The following UBE2H variants were observed in gnomAD, a reference collection of about 807,000 sequenced individuals.
UBE2H encodes the protein ubiquitin-conjugating enzyme E2 H.
Under a neutral mutation model 29.0 loss-of-function variants are expected in UBE2H, and 3 were observed. The ratio of observed to expected loss-of-function variants is 0.10; its 90% confidence interval spans 0.05 to 0.27. The LOEUF is 0.27. Among genes scored for constraint, UBE2H ranks in the 10% least tolerant of loss-of-function variants. The pLI, the probability that UBE2H is intolerant of heterozygous loss-of-function variation, is 1.00. For synonymous variants in UBE2H, 69 were observed against 82.9 expected, an observed-to-expected ratio of 0.83 and a Z score of 0.91; for missense variants, 68 against 228.2, an observed-to-expected ratio of 0.30 and a Z score of 4.52.
intron 3 of UBE2H, among the ~76,000 whole-genome samples, chr7:129,862,202 T>A (rs190382199): frequency 6.6e-6 from 1 of 152,254 alleles, no homozygotes; most frequent in African/African-American, 2.4e-5. Context: ...AAGAGAATGG[T>A]CCTACTATAT....
chr7:129,835,017 C>T lies in UBE2H; in HGVS notation c.472G>A (p.Glu158Lys), dbSNP rs1264361258. The change falls in exon 7 of 7, where the codon GAA becomes AAA. Residue 158 changes from glutamate to lysine, a missense_variant. By Grantham distance (56) the Glu-to-Lys change is moderately conservative. This residue lies in a region of UBE2H where 25 missense variants were observed against 32.4 expected (regional missense o/e 0.77). Coordinates refer to ENST00000355621, the MANE Select transcript of UBE2H (RefSeq NM_003344.4). Reference protein sequence around the residue: ...YATEEALKEQEEGTGDSSSES... With the variant: ...YATEEALKEQKEGTGDSSSES... ...GATGAGCTGTCCCCGGTACCCTCTTCCTGTTCTTTCAGCGCCTCCTCCGTG... is the reference window on the plus strand; with the variant it reads ...GATGAGCTGTCCCCGGTACCCTCTTTCTGTTCTTTCAGCGCCTCCTCCGTG... The T allele has an allele frequency of 6.2e-7, 1 of 1,614,150 alleles. No homozygotes were observed. The highest frequency in any genetic ancestry group is 1.7e-5 in the Admixed American group (1 of 60,022).
intron 1 of UBE2H, among the ~76,000 whole-genome samples, chr7:129,902,041 T>C (rs1408097300): frequency 2.0e-5 from 3 of 152,216 alleles, no homozygotes; most frequent in African/African-American, 2.4e-5. Context: ...TTAAGTGTTA[T>C]TAACCCGTTT....
At chr7:129,879,727 ATCT>A in intron 2 of UBE2H, 85 bp from the exon 3 acceptor site, 1 of 1,266,020 alleles carries the variant, frequency 7.9e-7, no homozygotes. Flanking sequence ...TTATCCCCTA[ATCT>A]TCTGAAAACC....
intron 1 of UBE2H, among the ~76,000 whole-genome samples, chr7:129,898,147 G>A (rs1806636792): frequency 6.6e-6 from 1 of 152,180 alleles, no homozygotes; most frequent in South Asian, 2.1e-4. Flanking sequence ...ACCCTGGAAA[G>A]TCAAGGGAGG....
chr7:129,936,425 T>A lies in UBE2H; in HGVS notation c.53+16078A>T, dbSNP rs182083768. Among the ~76,000 whole-genome samples, 921 of 151,758 alleles carry A rather than the reference T, an allele frequency of 6.1e-3. 3 individuals are homozygous for A. The highest frequency in any genetic ancestry group is 0.011 in the Non-Finnish European group (723 of 67,948). ...CTGGCTAACATGGTGAAACTCCGTC[T>A]CTACTAAAAATACAAAAAATTAGCC... On this transcript the variant is annotated intron_variant, in intron 1 of 6. Coordinates refer to ENST00000355621, the MANE Select transcript of UBE2H (RefSeq NM_003344.4).
chr7:129,952,762 G>C lies in UBE2H; in HGVS notation c.-207C>G, dbSNP rs1807910422. The C allele has an allele frequency of 7.6e-6, 3 of 392,736 alleles. No individual in the cohort carries two copies. The highest frequency in any genetic ancestry group is 4.3e-6 in the Non-Finnish European group (1 of 234,864). The allele number at this position is 392,736 out of a possible 1,614,324, so 24.3% of individuals were successfully genotyped here. A position where few individuals can be genotyped will look rare whatever the true frequency, so the allele number is the denominator to read the frequency against. ...CGGGTGGGGGTGGGGACCCTGCGGC[G>C]CCCGGCTCGGGCTGCCCCTCTCCGG... On this transcript the variant is annotated 5_prime_UTR_variant, in exon 1 of 7. Transcript: ENST00000355621.
chr7:129,858,266 G>A (rs1042885890), intron 4 of UBE2H, among the ~76,000 whole-genome samples: 3 of 152,064 alleles, frequency 2.0e-5, no homozygotes, highest in African/African-American at 7.2e-5. Context: ...AATATTAAAG[G>A]ACTAAGGGGC....
chr7:129,931,431 A>C (rs1471127002), intron 1 of UBE2H, among the ~76,000 whole-genome samples: 6 of 152,076 alleles, frequency 3.9e-5, no homozygotes, highest in Non-Finnish European at 7.4e-5. Flanking sequence ...GAGCTTTTCT[A>C]TGTGTGTTAT....
chr7:129,934,698 G>A (rs1226686991), intron 1 of UBE2H, among the ~76,000 whole-genome samples: 1 of 145,986 alleles, frequency 6.8e-6, no homozygotes, highest in African/African-American at 2.5e-5. Context: ...AAATCATCAA[G>A]GTTTTCTCAT....
At chr7:129,878,682 CAAAAAAA>C (rs772936668) in intron 3 of UBE2H, among the ~76,000 whole-genome samples, 13 of 75,068 alleles carry the variant, frequency 1.7e-4, no homozygotes, top group Non-Finnish European at 2.8e-4. Flanking sequence ...GACTCCGTCT[CAAAAAAA>C]AAAAAAAAAA....
chr7:129,896,985 G>A (rs1192930352), intron 1 of UBE2H, among the ~76,000 whole-genome samples: 1 of 152,162 alleles, frequency 6.6e-6, no homozygotes, highest in African/African-American at 2.4e-5. Context: ...AGATAAAGAT[G>A]ATCAAAGTGT....
At chr7:129,889,781 C>T (rs755228548) in intron 1 of UBE2H, among the ~76,000 whole-genome samples, 1 of 151,936 alleles carries the variant, frequency 6.6e-6, no homozygotes. Flanking sequence ...GCCAGGAGTC[C>T]GAGACCAGCC....
chr7:129,885,751 C>T (rs1458644209), intron 1 of UBE2H, among the ~76,000 whole-genome samples: 2 of 152,204 alleles, frequency 1.3e-5, no homozygotes, highest in African/African-American at 4.8e-5. Context: ...TAACTTTATG[C>T]TGCCTTGGAA....
At chr7:129,899,973 T>C (rs757533364) in intron 1 of UBE2H, among the ~76,000 whole-genome samples, 13 of 151,700 alleles carry the variant, frequency 8.6e-5, no homozygotes, top group Non-Finnish European at 1.8e-4. Context: ...CTACTAAAAA[T>C]ACAAAAACTA....
chr7:129,856,188 G>A (rs955472478), intron 5 of UBE2H, among the ~76,000 whole-genome samples: 1 of 152,156 alleles, frequency 6.6e-6, no homozygotes, highest in African/African-American at 2.4e-5. Flanking sequence ...AAGGATATCT[G>A]GCAAAAGTAA....
intron 1 of UBE2H, among the ~76,000 whole-genome samples, chr7:129,887,266 G>T (rs1806382902): frequency 6.8e-6 from 1 of 146,008 alleles, no homozygotes; most frequent in Admixed American, 7.1e-5. Flanking sequence ...CTGCCACCCA[G>T]GCTGGAGTGC....
intron 1 of UBE2H, among the ~76,000 whole-genome samples, chr7:129,896,163 C>T (rs568816214): frequency 2.0e-5 from 3 of 151,842 alleles, no homozygotes; most frequent in South Asian, 4.2e-4. Context: ...GGCGAAACCC[C>T]GTCTCTACTA....
intron 6 of UBE2H, among the ~76,000 whole-genome samples, chr7:129,837,595 G>A (rs1164444686): frequency 1.4e-5 from 2 of 147,068 alleles, no homozygotes; most frequent in African/African-American, 5.1e-5. Context: ...GGGTGGAGGA[G>A]GAAGACTGCA....
chr7:129,952,955 C>G lies in UBE2H; in HGVS notation c.-400G>C, dbSNP rs1807917196. ...TCAGTCGGCCTCCCTACCCCAGCCT[C>G]GCTCTGGGCGCCGTGACGTCACCTC... On this transcript the variant is annotated 5_prime_UTR_variant, in exon 1 of 7. Coordinates refer to ENST00000355621, the MANE Select transcript of UBE2H (RefSeq NM_003344.4). 1 of 155,868 alleles carries G rather than the reference C, an allele frequency of 6.4e-6. No individual in the cohort carries two copies. Among genetic ancestry groups the G allele is most frequent in the African/African-American group, 2.4e-5 (1 of 41,618 alleles). The allele number at this position is 155,868 out of a possible 1,614,324, so 9.7% of individuals were successfully genotyped here.
Sources: allele counts gnomAD v4.1 joint callset (sites outside exome capture counted in the v4.1 genomes callset), GRCh38; gene constraint gnomAD v4.1.1; regional missense constraint gnomAD v4.1.1; transcripts MANE v1.5; gene names NCBI Gene and HGNC (gene_info 2026-07-23, HGNC 2026-07-21).